The following ZNF85 variants were observed in gnomAD, a reference collection of about 807,000 sequenced individuals.
The protein encoded by ZNF85 is zinc finger protein 85 (HPF4, HTF1).
Under a neutral mutation model 53.9 loss-of-function variants are expected in ZNF85, and 50 were observed. The ratio of observed to expected loss-of-function variants is 0.93; its 90% CI spans 0.74 to 1.17. ZNF85 has a LOEUF of 1.17. Ranked by LOEUF, ZNF85 falls within the 50% of genes most tolerant of loss-of-function variation. The pLI, the probability that ZNF85 is intolerant of heterozygous loss-of-function variation, is 0.00. For missense variants in ZNF85, 747 were observed against 688.5 expected (o/e 1.08, Z -0.95); for synonymous variants, 225 against 226.1 (o/e 1.00, Z 0.04).
Position 20,950,168 on chromosome 19 carries a change from A to G in ZNF85, c.1654A>G (p.Asn552Asp). The change falls in exon 4 of 4, where the codon AAC (asparagine) becomes GAC (aspartate). Residue 552 changes from asparagine (N) to aspartate (D), a missense_variant. By Grantham distance (23) the Asn-to-Asp change is conservative (BLOSUM62 1). Coordinates refer to ENST00000328178, the MANE Select transcript of ZNF85 (RefSeq NM_003429.5). Reference protein sequence around the residue: ...ECGKAFNQSSNLTKHKRIHTG... With the variant: ...ECGKAFNQSSDLTKHKRIHTG... Reference sequence around the variant, plus strand: ...TGGCAAAGCCTTTAACCAGTCCTCAAACCTTACTAAACATAAGAGAATTCA... The same window carrying G: ...TGGCAAAGCCTTTAACCAGTCCTCAGACCTTACTAAACATAAGAGAATTCA... 6.2e-7 allele frequency: 1 copy of G among 1,613,474 alleles called. No homozygotes were observed. Among genetic ancestry groups the G allele is most frequent in the African/African-American group, 1.3e-5 (1 of 75,030 alleles).
chr19:20,944,514 AAT>A (rs1461652761), intron 3 of ZNF85, among the ~76,000 whole-genome samples: 1 of 146,142 alleles, frequency 6.8e-6, no homozygotes, highest in Non-Finnish European at 1.5e-5. Context: ...ATATTATATT[AAT>A]ATATAATTAT....
intron 3 of ZNF85, among the ~76,000 whole-genome samples, chr19:20,938,262 G>T (rs939648473): frequency 6.6e-6 from 1 of 152,110 alleles, no homozygotes; most frequent in African/African-American, 2.4e-5. Flanking sequence ...TAGAGACATG[G>T]TTTTACCATG....
chr19:20,925,757 CTT>C lies in ZNF85; in HGVS notation c.3+2355_3+2356del, dbSNP rs531352642. Among the ~76,000 whole-genome samples the C allele has an allele frequency of 2.0e-3, 308 of 152,296 alleles. 1 individual carries two copies. Among genetic ancestry groups the C allele is most frequent in the African/African-American group, 7.1e-3 (296 of 41,576 alleles). ...TCTTTCAAGTGATTGAACGGCCTGACTTGACACATAGGTCAGACACATCTCTT... is the reference window on the plus strand; with the variant it reads ...TCTTTCAAGTGATTGAACGGCCTGACGACACATAGGTCAGACACATCTCTT... On this transcript the variant is annotated intron_variant, in intron 1 of 3. Transcript: ENST00000328178.
At chr19:20,935,369 A>G (rs1973132993) in intron 3 of ZNF85, among the ~76,000 whole-genome samples, 1 of 152,160 alleles carries the variant, frequency 6.6e-6, no homozygotes, top group Non-Finnish European at 1.5e-5. Context: ...ATATCTGCAT[A>G]ATTTTGAAAA....
chr19:20,943,041 G>A (rs543135837), intron 3 of ZNF85: 7 of 481,980 alleles, frequency 1.5e-5, no homozygotes, highest in African/African-American at 1.2e-4. Context: ...CTCCCAAAGT[G>A]TTGGGATTAT....
intron 1 of ZNF85, among the ~76,000 whole-genome samples, chr19:20,932,397 A>G (rs1320366617): frequency 6.6e-6 from 1 of 152,092 alleles, no homozygotes. Context: ...TTTTTTTTCT[A>G]TATACCAGAG....
At chr19:20,927,943 T>C (rs1972918724) in intron 1 of ZNF85, 1 of 152,258 alleles carries the variant, frequency 6.6e-6, no homozygotes, top group East Asian at 1.9e-4. Context: ...ATGACTTTTA[T>C]TAATCACAGC....
Position 20,949,083 on chromosome 19 carries a change from C to T in ZNF85, c.569C>T (p.Thr190Ile). The T allele has an allele frequency of 6.2e-7, 1 of 1,613,734 alleles. No homozygotes were observed. Among genetic ancestry groups the T allele is most frequent in the Non-Finnish European group, 8.5e-7 (1 of 1,179,792 alleles). ...TCATTTGGCATGATTTCATGCCTAA[C>T]TGAACATAGCAGAATTCATACTAGA... is the stretch of plus-strand genomic sequence containing the variant. ...GKSFGMISCL[T>I]EHSRIHTRVN... The change falls in exon 4 of 4, where the codon ACT becomes ATT. Residue 190 changes from threonine (T) to isoleucine (I), a missense_variant. Physicochemically the swap from Thr to Ile is moderately conservative, Grantham distance 89. Coordinates refer to ENST00000328178, the MANE Select transcript of ZNF85 (RefSeq NM_003429.5).
chr19:20,937,478 G>A, intron 3 of ZNF85: 1 of 378,554 alleles, frequency 2.6e-6, no homozygotes, highest in Non-Finnish European at 5.2e-6. Flanking sequence ...GCCTTTAGTT[G>A]GTTTGTTATA....
intron 3 of ZNF85, among the ~76,000 whole-genome samples, chr19:20,940,536 C>T (rs1973270931): frequency 1.6e-5 from 2 of 127,592 alleles, no homozygotes; most frequent in Non-Finnish European, 3.6e-5. Flanking sequence ...GACCCTGTCT[C>T]CAAAAAAAAA....
intron 3 of ZNF85, chr19:20,943,628 T>G (rs886896411): frequency 6.6e-6 from 1 of 152,226 alleles, no homozygotes; most frequent in Non-Finnish European, 1.5e-5. Context: ...TAACGTTGTC[T>G]AAGTTTTCTG....
intron 1 of ZNF85, among the ~76,000 whole-genome samples, chr19:20,931,623 T>TC (rs1973022814): frequency 4.4e-5 from 5 of 113,590 alleles, no homozygotes; most frequent in Admixed American, 1.6e-4. Context: ...TCTTTTTCTT[T>TC]TTTTTTTTTT....
chr19:20,923,319 A>G lies in ZNF85; in HGVS notation c.-82A>G, dbSNP rs966281687. The G allele has an allele frequency of 6.3e-5, 101 of 1,604,628 alleles. No homozygotes were observed. Among genetic ancestry groups the G allele is most frequent in the Middle Eastern group, 5.0e-4 (3 of 6,048 alleles). On this transcript the variant is annotated 5_prime_UTR_variant, in exon 1 of 4. Coordinates refer to ENST00000328178, the MANE Select transcript of ZNF85 (RefSeq NM_003429.5). ...CCTGCTTTGTGTTTTCTGCTCGTGG[A>G]CGCCCAGCCTCTGTGGCCCTGTGGC... is the stretch of plus-strand genomic sequence containing the variant.
intron 2 of ZNF85, 38 bp downstream of exon 2, chr19:20,934,188 T>C (rs571833426): frequency 5.7e-6 from 9 of 1,585,002 alleles, no homozygotes; most frequent in African/African-American, 1.4e-5. Context: ...TAATATGCCC[T>C]AAAGGTTTTA....
intron 1 of ZNF85, among the ~76,000 whole-genome samples, chr19:20,931,620 C>CTTTTTTTTTTTTTTTTTT (rs1156835317): frequency 2.4e-4 from 29 of 119,420 alleles, no homozygotes; most frequent in Non-Finnish European, 3.5e-4. Flanking sequence ...TTTTCTTTTT[C>CTTTTTTTTTTTTTTTTTT]TTTTTTTTTT....
At chr19:20,934,900 C>A in intron 2 of ZNF85, 49 bp from the exon 3 acceptor site, 1 of 1,313,020 alleles carries the variant, frequency 7.6e-7, no homozygotes, top group Non-Finnish European at 1.1e-6. Context: ...CTAGATTGGT[C>A]ATTAGAGAAT....
intron 3 of ZNF85, among the ~76,000 whole-genome samples, chr19:20,945,329 T>C (rs778978645): frequency 3.9e-5 from 6 of 152,212 alleles, no homozygotes; most frequent in Non-Finnish European, 7.3e-5. Flanking sequence ...CTGTTTTCCT[T>C]GTCTAAGGTT....
In ZNF85 at chr19:20,923,460, G is replaced by A. The variant is rs139115414; in HGVS notation, c.3+57G>A. On this transcript the variant is annotated intron_variant, in intron 1 of 3. Transcript: ENST00000328178. ...GAAAGGGGTTGGTTGAAACCGGTGG[G>A]AAGCGGCTGTGGCGGGACTCAGGCC... The A allele has an allele frequency of 3.2e-4, 511 of 1,612,482 alleles. 3 individuals carry two copies. The African/African-American group carries it at 5.9e-3, about 19-fold the overall frequency.
intron 1 of ZNF85, chr19:20,926,682 C>T (rs967905550): frequency 6.6e-6 from 1 of 152,188 alleles, no homozygotes; most frequent in Non-Finnish European, 1.5e-5. Flanking sequence ...AGAAGTCTTT[C>T]CATCCTGAGA....
Sources: allele counts gnomAD v4.1 joint callset (sites outside exome capture counted in the v4.1 genomes callset), GRCh38; gene constraint gnomAD v4.1.1; transcripts MANE v1.5; gene names NCBI Gene and HGNC (gene_info 2026-07-23, HGNC 2026-07-21).